The following TMEM120B variants were observed in gnomAD, a reference collection of about 807,000 sequenced individuals.
The protein encoded by TMEM120B is transmembrane protein 120B.
A neutral mutation model predicts 55.5 loss-of-function variants in TMEM120B; 31 were observed. That is an observed-to-expected ratio of 0.56 (90% CI 0.42 to 0.75). TMEM120B has a LOEUF of 0.75. Ranked by LOEUF, TMEM120B falls within the 30% of genes least tolerant of loss-of-function variation. The pLI, the probability that TMEM120B is intolerant of heterozygous loss-of-function variation, is 0.00. For synonymous variants in TMEM120B, 203 were observed against 176.3 expected (o/e 1.15, Z -1.20); for missense variants, 399 against 425.5 (o/e 0.94, Z 0.55).
chr12:121,750,538 C>G, intron 4 of TMEM120B, 99 bp downstream of exon 4: 1 of 868,948 alleles, frequency 1.2e-6, no homozygotes. Context: ...CACCCCACAT[C>G]CACACCCACA....
chr12:121,729,134 T>C (rs1894950909), intron 1 of TMEM120B, among the ~76,000 whole-genome samples: 1 of 152,192 alleles, frequency 6.6e-6, no homozygotes, highest in Non-Finnish European at 1.5e-5. Context: ...TATGGGGATG[T>C]TAACCAGAAG....
chr12:121,730,173 C>T (rs1894972891), intron 1 of TMEM120B, among the ~76,000 whole-genome samples: 1 of 151,448 alleles, frequency 6.6e-6, no homozygotes, highest in African/African-American at 2.4e-5. Flanking sequence ...GAAGGAGAAT[C>T]CCTGGAACCC....
chr12:121,775,913 A>G lies in TMEM120B; in HGVS notation c.*191A>G. ...CAGTGTCCGCCCACCTATTTATGAC[A>G]TATTTAATGCTGGGTCCCCCATCGT... On this transcript the variant is annotated 3_prime_UTR_variant, in exon 12 of 12. Coordinates refer to ENST00000449592, the MANE Select transcript of TMEM120B (RefSeq NM_001080825.2). This position sits in a 1 kb window ranked among gnomAD's most constrained non-coding sequence, Gnocchi z 4.3. 1.6e-6 allele frequency: 1 copy of G among 644,954 alleles called. No individual in the cohort carries two copies. The highest frequency in any genetic ancestry group is 2.8e-5 in the East Asian group (1 of 36,240). The allele number at this position is 644,954 out of a possible 1,614,324, so 40.0% of individuals were successfully genotyped here.
intron 1 of TMEM120B, among the ~76,000 whole-genome samples, chr12:121,734,025 C>A (rs1026371969): frequency 5.9e-5 from 9 of 152,156 alleles, no homozygotes; most frequent in African/African-American, 2.2e-4. Context: ...TAAGTAGTTT[C>A]TTTGTCACAT....
At chr12:121,732,038 G>A (rs1308981064) in intron 1 of TMEM120B, among the ~76,000 whole-genome samples, 2 of 152,182 alleles carry the variant, frequency 1.3e-5, no homozygotes, top group African/African-American at 4.8e-5. Context: ...TCGGGAGGCT[G>A]AAGCAGTAGA....
At chr12:121,717,061 G>A (rs531892002) in intron 1 of TMEM120B, among the ~76,000 whole-genome samples, 2 of 152,176 alleles carry the variant, frequency 1.3e-5, no homozygotes, top group Non-Finnish European at 2.9e-5. Context: ...GCACAGTTGA[G>A]TCTCCATGAG....
At chr12:121,713,382 G>C (rs557117938) in intron 1 of TMEM120B, among the ~76,000 whole-genome samples, 1 of 152,272 alleles carries the variant, frequency 6.6e-6, no homozygotes, top group South Asian at 2.1e-4. Context: ...CCCACCCCGT[G>C]CTCTGGCGGG....
chr12:121,728,571 C>T (rs61952240), intron 1 of TMEM120B, among the ~76,000 whole-genome samples: 28,289 of 151,908 alleles, frequency 0.19, 2,922 homozygotes, highest in African/African-American at 0.27. Context: ...CCGCCCACCT[C>T]GGCCTCCCAA....
At chr12:121,762,579 C>T (rs1334758708) in intron 6 of TMEM120B, among the ~76,000 whole-genome samples, 2 of 152,160 alleles carry the variant, frequency 1.3e-5, no homozygotes, top group Non-Finnish European at 2.9e-5. Flanking sequence ...TGGAGCCTCA[C>T]ACCCACCCTG....
intron 1 of TMEM120B, among the ~76,000 whole-genome samples, chr12:121,739,705 C>T (rs113095488): frequency 0.013 from 2,022 of 151,450 alleles, 46 homozygotes; most frequent in African/African-American, 0.047. Flanking sequence ...CTCCTGGCCT[C>T]AAGTGATCCA....
intron 1 of TMEM120B, among the ~76,000 whole-genome samples, chr12:121,737,738 A>G (rs778409380): frequency 1.3e-5 from 2 of 151,842 alleles, no homozygotes; most frequent in Non-Finnish European, 2.9e-5. Context: ...TGCCAGGTGC[A>G]GTGTCTCACA....
At chr12:121,714,031 C>G (rs1894648911) in intron 1 of TMEM120B, among the ~76,000 whole-genome samples, 1 of 151,926 alleles carries the variant, frequency 6.6e-6, no homozygotes, top group Admixed American at 6.6e-5. Flanking sequence ...TTTCTAGACA[C>G]GTGGTTGTAG....
At position 121,780,483 on chromosome 12, in the gene TMEM120B, C is replaced by T. The variant is rs144191728; in HGVS notation, c.*4761C>T. ...ACGGTCAATTGGCCCGTGAAGGGGA[C>T]GCCTACTTTCAAACAAGGCAGACAG... On this transcript the variant is annotated 3_prime_UTR_variant, in exon 12 of 12. Coordinates refer to ENST00000449592, the MANE Select transcript of TMEM120B (RefSeq NM_001080825.2). 510 of 351,160 alleles carry T rather than the reference C, an allele frequency of 1.5e-3. 3 individuals are homozygous for T. Among genetic ancestry groups the T allele is most frequent in the African/African-American group, 9.3e-3 (443 of 47,886 alleles). The allele number at this position is 351,160 out of a possible 1,614,324, so 21.8% of individuals were successfully genotyped here.
In TMEM120B at chr12:121,748,354, G is replaced by A. The variant is rs534272052; in HGVS notation, c.217G>A (p.Ala73Thr). The A allele has an allele frequency of 1.9e-6, 3 of 1,611,120 alleles. No homozygotes were observed. Among genetic ancestry groups the A allele is most frequent in the African/African-American group, 1.3e-5 (1 of 74,896 alleles). The change falls in exon 3 of 12, where the codon GCG becomes ACG. Residue 73 changes from alanine to threonine, a missense_variant. Ala to Thr is a moderately conservative substitution (Grantham distance 58). Coordinates refer to ENST00000449592, the MANE Select transcript of TMEM120B (RefSeq NM_001080825.2). ...CAAACGCCATGCCAGTCGGGAGGAG[G>A]CGGAGCTCGTTCAGCAGATGGCAGC... The part of the protein sequence containing the change: ...RCKRHASREE[A>T]ELVQQMAANI...
chr12:121,766,308 C>T (rs1873847505), intron 6 of TMEM120B, among the ~76,000 whole-genome samples: 1 of 130,174 alleles, frequency 7.7e-6, no homozygotes, highest in Non-Finnish European at 1.6e-5. Flanking sequence ...AGCAAGTCAG[C>T]TCTTGTAAAC....
chr12:121,726,830 C>T (rs1894904323), intron 1 of TMEM120B, among the ~76,000 whole-genome samples: 1 of 147,630 alleles, frequency 6.8e-6, no homozygotes, highest in South Asian at 2.1e-4. Context: ...ATTGCTTGAA[C>T]CCAGGAGATG....
Position 121,778,914 on chromosome 12 carries a change from CAA to C in TMEM120B, c.*3194_*3195del, listed in dbSNP as rs1874338568. On this transcript the variant is annotated 3_prime_UTR_variant, in exon 12 of 12. Transcript: ENST00000449592. ...CCCTGGGCACATGTGCCCAGCTCTGCAAAGACAGTGGCCAAGTTGAAGACAAG... is the reference window on the plus strand; with the variant it reads ...CCCTGGGCACATGTGCCCAGCTCTGCAGACAGTGGCCAAGTTGAAGACAAG... 6.5e-6 allele frequency: 1 copy of C among 154,302 alleles called. No individual in the cohort carries two copies. Among genetic ancestry groups the C allele is most frequent in the Non-Finnish European group, 1.4e-5 (1 of 69,370 alleles). The allele number at this position is 154,302 out of a possible 1,614,324, so 9.6% of individuals were successfully genotyped here. A position where few individuals can be genotyped will look rare whatever the true frequency, so the allele number is the denominator to read the frequency against.
intron 1 of TMEM120B, among the ~76,000 whole-genome samples, chr12:121,733,386 A>G (rs1220921326): frequency 6.6e-6 from 1 of 151,666 alleles, no homozygotes; most frequent in Non-Finnish European, 1.5e-5. Context: ...CTGGGACTAC[A>G]GGCGCCCGCC....
chr12:121,735,708 T>G (rs1895096520), intron 1 of TMEM120B, among the ~76,000 whole-genome samples: 1 of 151,308 alleles, frequency 6.6e-6, no homozygotes, highest in Non-Finnish European at 1.5e-5. Context: ...TTTTTTTTTT[T>G]GAGACCAAGT....
Sources: allele counts gnomAD v4.1 joint callset (sites outside exome capture counted in the v4.1 genomes callset), GRCh38; gene constraint gnomAD v4.1.1; non-coding constraint Gnocchi (gnomAD v3.1); transcripts MANE v1.5; gene names NCBI Gene and HGNC (gene_info 2026-07-23, HGNC 2026-07-21).